CAMK1D: variants seen among roughly 807,000 people sequenced by gnomAD.
CAMK1D encodes the protein calcium/calmodulin-dependent protein kinase type 1D.
CAMK1D carries 9 observed loss-of-function variants against 47.7 expected under a neutral mutation model. That is an observed-to-expected ratio of 0.19 (90% CI 0.11 to 0.33). CAMK1D has a LOEUF of 0.33. Among genes scored for constraint, CAMK1D ranks in the 10% least tolerant of loss-of-function variants. The probability of loss-of-function intolerance (pLI) is 1.00; values close to 1 mark genes in which losing one functional copy is unlikely to be tolerated. For synonymous variants in CAMK1D, 184 were observed against 184.9 expected (o/e 0.99, Z 0.04); for missense variants, 291 against 488.7 (o/e 0.60, Z 3.81).
intron 3 of CAMK1D, among the ~76,000 whole-genome samples, chr10:12,686,378 A>G (rs1033196809): frequency 6.6e-6 from 1 of 152,026 alleles, no homozygotes; most frequent in Admixed American, 6.6e-5. Flanking sequence ...CTAGAGTGCA[A>G]TGGTGCGATC....
At chr10:12,807,481 A>G (rs576819454) in intron 6 of CAMK1D, among the ~76,000 whole-genome samples, 5 of 152,216 alleles carry the variant, frequency 3.3e-5, no homozygotes, top group African/African-American at 1.2e-4. Context: ...ATCAGAGCTA[A>G]TTACCAGGGA....
At chr10:12,427,647 C>T (rs1381871567) in intron 1 of CAMK1D, among the ~76,000 whole-genome samples, 1 of 139,672 alleles carries the variant, frequency 7.2e-6, no homozygotes, top group Non-Finnish European at 1.5e-5. Flanking sequence ...GCATTTATTT[C>T]TGGAGGAATT....
chr10:12,387,445 T>TA lies in CAMK1D; in HGVS notation c.92+37535_92+37536insA, dbSNP rs1554763300. 1.8e-3 allele frequency among the ~76,000 whole-genome samples: 123 copies of TA among 66,640 alleles called. 5 individuals carry two copies. Among genetic ancestry groups the TA allele is most frequent in the Middle Eastern group, 7.0e-3 (1 of 142 alleles). 43.7% of individuals were successfully genotyped at this position (66,640 alleles called of 152,430 possible). A position where few individuals can be genotyped will look rare whatever the true frequency, so the allele number is the denominator to read the frequency against. ...ATATATTTTATATATTATATATATT[T>TA]TATATATATATATATATATAGACAT... On this transcript the variant is annotated intron_variant, in intron 1 of 10. Transcript: ENST00000619168.
chr10:12,740,579 CAG>C (rs1012516660), intron 3 of CAMK1D, among the ~76,000 whole-genome samples: 41 of 151,854 alleles, frequency 2.7e-4, no homozygotes, highest in African/African-American at 9.9e-4. Context: ...GCCTGGGTAA[CAG>C]AGGGAGACTC....
intron 1 of CAMK1D, among the ~76,000 whole-genome samples, chr10:12,425,909 A>G (rs151104888): frequency 6.6e-6 from 1 of 152,368 alleles, no homozygotes; most frequent in East Asian, 1.9e-4. Context: ...ACATTTTTGC[A>G]TGCACTGGTG....
Position 12,828,932 on chromosome 10 carries a change from GC to G in CAMK1D, c.*49del. 6.9e-7 allele frequency: 1 copy of G among 1,440,558 alleles called. No individual in the cohort carries two copies. Among genetic ancestry groups the G allele is most frequent in the Non-Finnish European group, 9.3e-7 (1 of 1,073,086 alleles). 89.2% of individuals were successfully genotyped at this position (1,440,558 alleles called of 1,614,324 possible). A position where few individuals can be genotyped will look rare whatever the true frequency, so the allele number is the denominator to read the frequency against. ...CCGGGGTCGGGGCTGGGGAAGGGGA[GC>G]CCCAGGGTCGCCAGAGCCGCGAGCC... On this transcript the variant is annotated 3_prime_UTR_variant, in exon 11 of 11. Coordinates refer to ENST00000619168, the MANE Select transcript of CAMK1D (RefSeq NM_153498.4).
intron 1 of CAMK1D, among the ~76,000 whole-genome samples, chr10:12,538,261 A>C (rs1485532696): frequency 6.6e-6 from 1 of 152,194 alleles, no homozygotes; most frequent in East Asian, 1.9e-4. Context: ...TACCCTCAGG[A>C]AAGATGCCAG....
At chr10:12,366,469 A>C (rs375770888) in intron 1 of CAMK1D, among the ~76,000 whole-genome samples, 3 of 151,720 alleles carry the variant, frequency 2.0e-5, no homozygotes, top group Non-Finnish European at 1.5e-5. Flanking sequence ...AGCCTGGCCA[A>C]CATAGTGAAA....
chr10:12,635,081 G>T (rs531808137), intron 2 of CAMK1D, among the ~76,000 whole-genome samples: 2 of 152,288 alleles, frequency 1.3e-5, no homozygotes, highest in Admixed American at 6.5e-5. Context: ...GACAGTGGAT[G>T]ATCAACAAGA....
intron 9 of CAMK1D, among the ~76,000 whole-genome samples, chr10:12,825,316 T>C (rs545135080): frequency 1.3e-5 from 2 of 148,438 alleles, no homozygotes; most frequent in African/African-American, 2.5e-5. Context: ...AGAGAATTGG[T>C]TTATGTTTAT....
intron 1 of CAMK1D, among the ~76,000 whole-genome samples, chr10:12,442,291 C>T (rs928743187): frequency 2.0e-5 from 3 of 152,272 alleles, no homozygotes. Flanking sequence ...ACCATCCTGG[C>T]TAACATGGTG....
At chr10:12,751,112 A>G (rs1010836722) in intron 3 of CAMK1D, among the ~76,000 whole-genome samples, 3 of 107,398 alleles carry the variant, frequency 2.8e-5, no homozygotes, top group African/African-American at 1.2e-4. Context: ...ATAAGATAAG[A>G]TAAGATAAGA....
chr10:12,680,978 G>C (rs1186418789), intron 3 of CAMK1D, among the ~76,000 whole-genome samples: 1 of 151,748 alleles, frequency 6.6e-6, no homozygotes, highest in Non-Finnish European at 1.5e-5. Context: ...CCTGACCTCT[G>C]ACCACTTAAC....
At chr10:12,723,366 C>G (rs1350699964) in intron 3 of CAMK1D, among the ~76,000 whole-genome samples, 1 of 152,188 alleles carries the variant, frequency 6.6e-6, no homozygotes, top group East Asian at 1.9e-4. Context: ...TCCCTGACCT[C>G]ACACAGATGG....
chr10:12,657,161 T>C (rs543262378), intron 2 of CAMK1D, among the ~76,000 whole-genome samples: 6 of 152,272 alleles, frequency 3.9e-5, no homozygotes, highest in Admixed American at 3.9e-4. Flanking sequence ...GCACGGTGGC[T>C]CATGCCTGTA....
At chr10:12,439,168 G>A (rs1832714201) in intron 1 of CAMK1D, among the ~76,000 whole-genome samples, 1 of 152,170 alleles carries the variant, frequency 6.6e-6, no homozygotes, top group Non-Finnish European at 1.5e-5. Flanking sequence ...ACTTTGCCTT[G>A]TGTACCACAG....
chr10:12,433,129 T>C (rs1490092836), intron 1 of CAMK1D, among the ~76,000 whole-genome samples: 1 of 152,200 alleles, frequency 6.6e-6, no homozygotes, highest in East Asian at 1.9e-4. Context: ...CGGTCAGGTT[T>C]CCTCTCACAG....
chr10:12,582,400 G>A (rs1837689029), intron 2 of CAMK1D, among the ~76,000 whole-genome samples: 1 of 152,060 alleles, frequency 6.6e-6, no homozygotes, highest in African/African-American at 2.4e-5. Context: ...GAATTTTTAG[G>A]ATTGTTTTTC....
chr10:12,798,552 G>T (rs1189305413), intron 6 of CAMK1D, among the ~76,000 whole-genome samples: 4 of 152,218 alleles, frequency 2.6e-5, no homozygotes, highest in Non-Finnish European at 5.9e-5. Flanking sequence ...TCTGGGTTTG[G>T]AAAGATGGGT....
Sources: allele counts gnomAD v4.1 joint callset (sites outside exome capture counted in the v4.1 genomes callset), GRCh38; gene constraint gnomAD v4.1.1; transcripts MANE v1.5; gene names NCBI Gene and HGNC (gene_info 2026-07-23, HGNC 2026-07-21).